The following CNTNAP5 variants were observed in gnomAD, a reference collection of about 807,000 sequenced individuals.
CNTNAP5 encodes the protein contactin associated protein family member 5.
Under a neutral mutation model 150.2 loss-of-function variants are expected in CNTNAP5, and 72 were observed. The ratio of observed to expected loss-of-function variants is 0.48; its 90% CI spans 0.40 to 0.58. The LOEUF (loss-of-function observed/expected upper bound fraction) is 0.58. Ranked by LOEUF, CNTNAP5 falls within the 20% of genes least tolerant of loss-of-function variation. The pLI, the probability that CNTNAP5 is intolerant of heterozygous loss-of-function variation, is 0.00. For missense variants in CNTNAP5, 1,636 were observed against 1,626.2 expected (o/e 1.01, Z -0.10); for synonymous variants, 672 against 619.8 (o/e 1.08, Z -1.25).
intron 6 of CNTNAP5, among the ~76,000 whole-genome samples, chr2:124,473,487 T>G (rs1203405486): frequency 6.6e-6 from 1 of 152,044 alleles, no homozygotes. Context: ...CCTATTACAC[T>G]GCATTAAGAA....
chr2:124,797,173 G>A (rs895053819), intron 18 of CNTNAP5, among the ~76,000 whole-genome samples: 51 of 152,096 alleles, frequency 3.4e-4, no homozygotes, highest in African/African-American at 1.2e-3. Flanking sequence ...TCTCCACAAA[G>A]TTCATTATCT....
At chr2:124,850,547 A>T (rs2104702766) in intron 19 of CNTNAP5, among the ~76,000 whole-genome samples, 1 of 152,350 alleles carries the variant, frequency 6.6e-6, no homozygotes, top group South Asian at 2.1e-4. Flanking sequence ...ACCTGCTGAT[A>T]TTTCTGTTTC....
intron 1 of CNTNAP5, among the ~76,000 whole-genome samples, chr2:124,079,841 C>T (rs987651861): frequency 1.5e-4 from 23 of 152,158 alleles, no homozygotes; most frequent in African/African-American, 5.3e-4. Flanking sequence ...CAATAATGCT[C>T]AAAATGCATG....
chr2:124,490,951 C>T (rs1161350942), intron 7 of CNTNAP5, among the ~76,000 whole-genome samples: 1 of 151,978 alleles, frequency 6.6e-6, no homozygotes, highest in African/African-American at 2.4e-5. Flanking sequence ...CAGCATTGAC[C>T]TGGGATATCA....
intron 10 of CNTNAP5, among the ~76,000 whole-genome samples, chr2:124,529,623 G>A (rs1004173372): frequency 1.3e-5 from 2 of 152,116 alleles, no homozygotes; most frequent in South Asian, 2.1e-4. Context: ...TCTGAATTTG[G>A]TGTTTCATTT....
At chr2:124,275,794 A>G (rs1687869833) in intron 3 of CNTNAP5, among the ~76,000 whole-genome samples, 1 of 152,138 alleles carries the variant, frequency 6.6e-6, no homozygotes, top group Non-Finnish European at 1.5e-5. Context: ...CATTTACTGC[A>G]TGCTTACTCA....
intron 1 of CNTNAP5, among the ~76,000 whole-genome samples, chr2:124,111,153 A>C (rs555561172): frequency 1.6e-4 from 24 of 152,342 alleles, no homozygotes; most frequent in Non-Finnish European, 3.1e-4. Context: ...GACAATCAAA[A>C]AATGAAATGA....
chr2:124,321,300 G>A (rs1275643808), intron 3 of CNTNAP5, among the ~76,000 whole-genome samples: 18 of 151,920 alleles, frequency 1.2e-4, no homozygotes, highest in Non-Finnish European at 8.8e-5. Flanking sequence ...AAAATTAGTC[G>A]GGTGTGGTGG....
intron 12 of CNTNAP5, among the ~76,000 whole-genome samples, chr2:124,630,927 A>G (rs944239567): frequency 6.6e-6 from 1 of 152,194 alleles, no homozygotes; most frequent in Admixed American, 6.5e-5. Context: ...CTATACACCA[A>G]CAAAAGACAA....
chr2:124,796,537 TTCTC>T (rs755958125), intron 18 of CNTNAP5, among the ~76,000 whole-genome samples: 3 of 152,210 alleles, frequency 2.0e-5, no homozygotes, highest in African/African-American at 4.8e-5. Context: ...GCAAAACACT[TTCTC>T]TGAACCTTTA....
rs1679679240 is a variant in CNTNAP5, at chr2:124,707,018, G to GA, written c.2078-40210dup. Reference sequence around the variant, plus strand: ...GAAGAGGAAGAAGAAGGAGGAGGAGGAGAAGAAGAAGAAGAAGAAGAAGGA... The same window carrying GA: ...GAAGAGGAAGAAGAAGGAGGAGGAGGAAGAAGAAGAAGAAGAAGAAGAAGGA... On this transcript the variant is annotated intron_variant, in intron 13 of 23. Transcript: ENST00000682447. Among the ~76,000 whole-genome samples, 59 of 74,294 alleles carry GA rather than the reference G, an allele frequency of 7.9e-4. 3 individuals carry two copies. Among genetic ancestry groups the GA allele is most frequent in the African/African-American group, 2.9e-3 (51 of 17,724 alleles). The allele number at this position is 74,294 out of a possible 152,430, so 48.7% of individuals were successfully genotyped here.
At position 124,901,890 on chromosome 2, in the gene CNTNAP5, G is replaced by T. The variant is rs575015883; in HGVS notation, c.3437-992G>T. Among the ~76,000 whole-genome samples, 2 of 152,054 alleles carry T rather than the reference G, an allele frequency of 1.3e-5. 1 individual carries two copies. Among genetic ancestry groups the T allele is most frequent in the South Asian group, 4.2e-4 (2 of 4,818 alleles). On this transcript the variant is annotated intron_variant, in intron 21 of 23. Coordinates refer to ENST00000682447, the MANE Select transcript of CNTNAP5 (RefSeq NM_001367498.1). ...CCATATCCTTATCATACCTCTTAAT[G>T]TTGCCAACATAATGCATGCTTATAG...
chr2:124,697,534 A>G (rs1168675067), intron 13 of CNTNAP5, among the ~76,000 whole-genome samples: 2 of 151,750 alleles, frequency 1.3e-5, no homozygotes, highest in African/African-American at 2.4e-5. Context: ...GAACTTCAAC[A>G]AGGCCTTATC....
At chr2:124,246,180 C>T (rs761137890) in intron 3 of CNTNAP5, among the ~76,000 whole-genome samples, 1 of 152,150 alleles carries the variant, frequency 6.6e-6, no homozygotes, top group Non-Finnish European at 1.5e-5. Context: ...ACAATCCATT[C>T]ACCAGTACTG....
chr2:124,212,258 T>C (rs1457374200), intron 1 of CNTNAP5, among the ~76,000 whole-genome samples: 1 of 152,226 alleles, frequency 6.6e-6, no homozygotes, highest in African/African-American at 2.4e-5. Flanking sequence ...CATTCATTTA[T>C]GTAGCTTTTC....
intron 8 of CNTNAP5, among the ~76,000 whole-genome samples, chr2:124,523,360 G>T (rs1401371128): frequency 6.6e-6 from 1 of 152,182 alleles, no homozygotes; most frequent in Non-Finnish European, 1.5e-5. Flanking sequence ...TTGTGTGGCT[G>T]TGTGCTCTTG....
rs192880351 is a variant in CNTNAP5, at chr2:124,747,229, A to G, written c.2078A>G (p.Asp693Gly). The change falls in exon 14 of 24, where the codon GAT (aspartate) becomes GGT (glycine). Residue 693 changes from aspartate to glycine, a missense_variant and splice_region_variant. Asp to Gly is a moderately conservative substitution (Grantham distance 94). Coordinates refer to ENST00000682447, the MANE Select transcript of CNTNAP5 (RefSeq NM_001367498.1). The part of the protein sequence containing the change: ...CRRSRLLNTP[D>G]GTPFTWWIGR... ...ACTGGTGGAATATCTTGTCTTCCAGATGGAACACCATTTACCTGGTGGATT... is the reference window on the plus strand; with the variant it reads ...ACTGGTGGAATATCTTGTCTTCCAGGTGGAACACCATTTACCTGGTGGATT... 890 of 1,611,914 alleles carry G rather than the reference A, an allele frequency of 5.5e-4. 2 individuals carry two copies. Among genetic ancestry groups the G allele is most frequent in the Admixed American group, 4.9e-3 (292 of 59,958 alleles).
intron 3 of CNTNAP5, among the ~76,000 whole-genome samples, chr2:124,280,631 A>G (rs564213278): frequency 6.6e-6 from 1 of 152,036 alleles, no homozygotes; most frequent in African/African-American, 2.4e-5. Flanking sequence ...CATTCTACCT[A>G]TGGCCATCAG....
intron 1 of CNTNAP5, among the ~76,000 whole-genome samples, chr2:124,215,536 T>C (rs896353714): frequency 2.0e-5 from 3 of 152,106 alleles, no homozygotes; most frequent in Non-Finnish European, 2.9e-5. Flanking sequence ...CTTCTTTGAA[T>C]TGGAAATATG....
Sources: gnomAD v4.1 joint callset for allele counts (sites outside exome capture counted in the v4.1 genomes callset) on GRCh38, gnomAD v4.1.1 for gene constraint, MANE v1.5 for transcripts, NCBI Gene and HGNC (gene_info 2026-07-23, HGNC 2026-07-21) for gene names.